Variants in SYT6 observed in about 807,000 individuals in gnomAD.
The protein encoded by SYT6 is synaptotagmin 6.
SYT6 carries 24 observed loss-of-function variants against 38.4 expected under a neutral mutation model. The observed-to-expected ratio is 0.62, with a 90% CI of 0.45 to 0.88. SYT6 has a LOEUF of 0.88. SYT6 is among the 40% of genes least tolerant of loss of function. The pLI is 0.00. For synonymous variants in SYT6, 265 were observed against 241.9 expected (o/e 1.10, Z -0.89); for missense variants, 611 against 621.0 (o/e 0.98, Z 0.17).
At chr1:114,096,399 G>A (rs1675644136) in intron 6 of SYT6, among the ~76,000 whole-genome samples, 1 of 152,214 alleles carries the variant, frequency 6.6e-6, no homozygotes. Flanking sequence ...CAGAAACTTT[G>A]CTTCTTTTTA....
At chr1:114,133,453 AT>A (rs1259750768) in intron 3 of SYT6, among the ~76,000 whole-genome samples, 2 of 152,198 alleles carry the variant, frequency 1.3e-5, no homozygotes, top group African/African-American at 4.8e-5. Context: ...CTACAGCTTT[AT>A]TTAGAAATAA....
intron 6 of SYT6, among the ~76,000 whole-genome samples, chr1:114,095,169 G>C (rs1007217424): frequency 1.3e-5 from 2 of 152,144 alleles, no homozygotes; most frequent in African/African-American, 4.8e-5. Context: ...CAGGAAAAAA[G>C]TAAACCCAAA....
In SYT6 at chr1:114,090,751, A is replaced by G. The variant is rs1675256613; in HGVS notation, c.*1383T>C. On this transcript the variant is annotated 3_prime_UTR_variant, in exon 8 of 8. Transcript: ENST00000610222. ...ACTGGGGTTATACAAACTGAGATTG[A>G]GCAAATCAACCTGGTTTTAGGGGTT... 6.6e-6 allele frequency: 1 copy of G among 152,398 alleles called. No homozygotes were observed. Among genetic ancestry groups the G allele is most frequent in the Admixed American group, 6.5e-5 (1 of 15,286 alleles). The allele number at this position is 152,398 out of a possible 1,614,324, so 9.4% of individuals were successfully genotyped here. A position where few individuals can be genotyped will look rare whatever the true frequency, so the allele number is the denominator to read the frequency against.
At chr1:114,099,045 G>A (rs1412066086) in intron 5 of SYT6, 49 bp downstream of exon 5, 1 of 1,559,262 alleles carries the variant, frequency 6.4e-7, no homozygotes, top group South Asian at 1.2e-5. Context: ...TGCTGGTGCT[G>A]GAGTGGGAGT....
In SYT6 at chr1:114,137,550, G is replaced by A. The variant is rs1344157308; in HGVS notation, c.1016C>T (p.Ala339Val). 9 of 1,614,238 alleles carry A rather than the reference G, an allele frequency of 5.6e-6. No individual in the cohort carries two copies. Among genetic ancestry groups the A allele is most frequent in the South Asian group, 1.1e-5 (1 of 91,078 alleles). The change falls in exon 3 of 8, where the codon GCC (alanine) becomes GTC (valine). Residue 339 changes from alanine to valine, a missense_variant. Ala to Val is a moderately conservative substitution (Grantham distance 64, BLOSUM62 0). Coordinates refer to ENST00000610222, the MANE Select transcript of SYT6 (RefSeq NM_001253772.2). ...GEVILDNLFE[A>V]SDLSRETSIW... is the part of the protein sequence containing the mutation. ...GGAGGTTTCCCGAGACAGGTCAGAG[G>A]CCTCAAAGAGGTTGTCCAGGATGAC...
Position 114,137,942 on chromosome 1 carries a change from C to T in SYT6, c.624G>A (p.Lys208=). ...CCGACTTCTGCTTGTAGAGCTCAGG[C>T]TTGATGCGGCCAATGCTGGTGGGCT... ...AEQPTSIGRI[K]PELYKQKSVD... Residue 208 remains lysine, a synonymous_variant, in exon 3 of 8, where the codon AAG becomes AAA. Coordinates refer to ENST00000610222, the MANE Select transcript of SYT6 (RefSeq NM_001253772.2). 2 of 1,614,058 alleles carry T rather than the reference C, an allele frequency of 1.2e-6. No individual in the cohort carries two copies. Among genetic ancestry groups the T allele is most frequent in the South Asian group, 1.1e-5 (1 of 91,042 alleles).
intron 3 of SYT6, among the ~76,000 whole-genome samples, chr1:114,117,894 C>A (rs143455576): frequency 1.3e-5 from 2 of 152,188 alleles, no homozygotes; most frequent in African/African-American, 4.8e-5. Flanking sequence ...ATAGGGTGAA[C>A]CGTGAAGCCC....
intron 3 of SYT6, among the ~76,000 whole-genome samples, chr1:114,104,027 T>G (rs935314475): frequency 3.9e-5 from 6 of 152,242 alleles, no homozygotes; most frequent in African/African-American, 1.4e-4. Context: ...GCCCCTTGGC[T>G]GCAGCCTCAA....
At chr1:114,127,963 C>T (rs890487614) in intron 3 of SYT6, among the ~76,000 whole-genome samples, 2 of 152,224 alleles carry the variant, frequency 1.3e-5, no homozygotes, top group Admixed American at 1.3e-4. Flanking sequence ...GCAGCCCTAC[C>T]AAGGACCCGG....
At chr1:114,102,713 C>A (rs928453023) in intron 4 of SYT6, among the ~76,000 whole-genome samples, 1 of 152,170 alleles carries the variant, frequency 6.6e-6, no homozygotes, top group Non-Finnish European at 1.5e-5. Context: ...GTCTCTTGAG[C>A]AGGAGGACAG....
intron 1 of SYT6, among the ~76,000 whole-genome samples, chr1:114,148,181 C>T (rs1216326009): frequency 6.6e-6 from 1 of 152,206 alleles, no homozygotes; most frequent in Non-Finnish European, 1.5e-5. Flanking sequence ...CCCCCACTGA[C>T]ACTTCTTTCT....
intron 3 of SYT6, among the ~76,000 whole-genome samples, chr1:114,122,863 G>A (rs12049045): frequency 0.43 from 65,631 of 151,812 alleles, 14,520 homozygotes; most frequent in East Asian, 0.57. Flanking sequence ...ACCAAGAAAG[G>A]TTGGTTCTCA....
chr1:114,137,350 G>T, intron 3 of SYT6, 145 bp downstream of exon 3: 1 of 904,632 alleles, frequency 1.1e-6, no homozygotes, highest in East Asian at 2.6e-5. Context: ...GGGTAGACTG[G>T]GCCACTGGGC....
intron 1 of SYT6, among the ~76,000 whole-genome samples, chr1:114,147,036 G>A (rs1287054492): frequency 6.6e-6 from 1 of 152,120 alleles, no homozygotes; most frequent in Non-Finnish European, 1.5e-5. Context: ...TTGTTTAATG[G>A]GCAGAACACC....
chr1:114,093,587 A>C, intron 7 of SYT6, 148 bp downstream of exon 7: 2 of 651,952 alleles, frequency 3.1e-6, no homozygotes, highest in Non-Finnish European at 5.1e-6. Context: ...GGGCAGAGCC[A>C]GAACCCGAAA....
intron 3 of SYT6, among the ~76,000 whole-genome samples, chr1:114,109,794 T>C (rs511666): frequency 1 from 151,920 of 152,362 alleles, 75,741 homozygotes; most frequent in Middle Eastern, 1. Flanking sequence ...GAAGAAGGAA[T>C]TCAGCCCCAG....
At chr1:114,106,644 C>A (rs1269231963) in intron 3 of SYT6, among the ~76,000 whole-genome samples, 1 of 152,068 alleles carries the variant, frequency 6.6e-6, no homozygotes, top group Non-Finnish European at 1.5e-5. Flanking sequence ...TATTGTTGGT[C>A]CTTCTTGTCA....
chr1:114,109,108 A>G (rs1277639977), intron 3 of SYT6, among the ~76,000 whole-genome samples: 1 of 152,184 alleles, frequency 6.6e-6, no homozygotes, highest in Non-Finnish European at 1.5e-5. Flanking sequence ...GGGGGTACAG[A>G]GATGAGTCAG....
At chr1:114,141,804 T>G (rs759494007) in intron 1 of SYT6, among the ~76,000 whole-genome samples, 1 of 152,200 alleles carries the variant, frequency 6.6e-6, no homozygotes, top group African/African-American at 2.4e-5. Context: ...CCAGTGCTTA[T>G]TTACCATTCC....
Sources: gnomAD v4.1 joint callset for allele counts (sites outside exome capture counted in the v4.1 genomes callset) on GRCh38, gnomAD v4.1.1 for gene constraint, MANE v1.5 for transcripts, NCBI Gene and HGNC (gene_info 2026-07-23, HGNC 2026-07-21) for gene names.